TMED3: variants seen among roughly 807,000 people sequenced by gnomAD.
TMED3 encodes the protein transmembrane p24 trafficking protein 3.
In TMED3, 9 loss-of-function variants were observed where a neutral mutation model predicts 15.0. The ratio of observed to expected loss-of-function variants is 0.60; its 90% CI spans 0.36 to 1.04. The LOEUF (loss-of-function observed/expected upper bound fraction) is 1.04. TMED3 is among the 50% of genes least tolerant of loss of function. The pLI, the probability that TMED3 is intolerant of heterozygous loss-of-function variation, is 0.01. For missense variants in TMED3, 267 were observed against 278.9 expected (o/e 0.96, Z 0.30); for synonymous variants, 117 against 121.4 (o/e 0.96, Z 0.24).
chr15:79,397,961 T>C (rs1241817204), intron 2 of TMED3, among the ~76,000 whole-genome samples: 1 of 152,248 alleles, frequency 6.6e-6, no homozygotes, highest in Non-Finnish European at 1.5e-5. Context: ...ATATTTGTTA[T>C]AACTGATGAA....
chr15:79,378,687 A>C (rs562014713), intron 2 of TMED3, among the ~76,000 whole-genome samples: 1 of 152,352 alleles, frequency 6.6e-6, no homozygotes, highest in Middle Eastern at 3.4e-3. Context: ...CAGGCAGCCA[A>C]CTACAACATA....
In TMED3 at chr15:79,401,099, C is replaced by T. The variant is rs375784626; in HGVS notation, c.418-10301C>T. ...CATACCATGGGGAGTGACTACTATGCGCCTTAGGATTTTTATTTCCTTTCT... is the reference window on the plus strand; with the variant it reads ...CATACCATGGGGAGTGACTACTATGTGCCTTAGGATTTTTATTTCCTTTCT... On this transcript the variant is annotated intron_variant, in intron 2 of 2. Coordinates refer to the TMED3 transcript ENST00000424155. Among the ~76,000 whole-genome samples the T allele has an allele frequency of 1.1e-4, 17 of 152,276 alleles. No individual in the cohort carries two copies. In the South Asian group the frequency reaches 1.9e-3, roughly 17 times the overall value.
intron 2 of TMED3, among the ~76,000 whole-genome samples, chr15:79,330,830 C>A (rs926467334): frequency 1.3e-5 from 2 of 152,154 alleles, no homozygotes; most frequent in Admixed American, 6.5e-5. Context: ...GGCATAAAAA[C>A]AGACACATAG....
At chr15:79,338,508 C>T in intron 2 of TMED3, among the ~76,000 whole-genome samples, 1 of 152,048 alleles carries the variant, frequency 6.6e-6, no homozygotes, top group Non-Finnish European at 1.5e-5. Context: ...CACCCAGGTG[C>T]CGAGGCAAGA....
chr15:79,335,289 T>TA (rs1340111217), intron 2 of TMED3, among the ~76,000 whole-genome samples: 2 of 120,520 alleles, frequency 1.7e-5, no homozygotes, highest in African/African-American at 5.3e-5. Context: ...CCTGGGCTTC[T>TA]GGGAAAAATA....
downstream of TMED3, among the ~76,000 whole-genome samples, chr15:79,323,602 C>T (rs1246348765): frequency 6.6e-6 from 1 of 152,176 alleles, no homozygotes; most frequent in Non-Finnish European, 1.5e-5. Flanking sequence ...CAACATGACC[C>T]ATTGCTTCTG....
In TMED3 at chr15:79,322,452, A is replaced by G. The variant is rs1470206150; in HGVS notation, c.*238A>G. 3.0e-6 allele frequency: 4 copies of G among 1,343,656 alleles called. No individual in the cohort carries two copies. The highest frequency in any genetic ancestry group is 3.8e-6 in the Non-Finnish European group (4 of 1,048,192). 83.2% of individuals were successfully genotyped at this position (1,343,656 alleles called of 1,614,324 possible). Reference sequence around the variant, plus strand: ...GTGCAGCGCTGAAAAGACATTTACAACTAGGCCAGGGATTAGCCACTGTGG... The same window carrying G: ...GTGCAGCGCTGAAAAGACATTTACAGCTAGGCCAGGGATTAGCCACTGTGG... On this transcript the variant is annotated 3_prime_UTR_variant, in exon 3 of 3. Transcript: ENST00000299705.
chr15:79,398,614 C>T (rs554244835), intron 2 of TMED3, among the ~76,000 whole-genome samples: 2 of 152,168 alleles, frequency 1.3e-5, no homozygotes, highest in South Asian at 4.1e-4. Context: ...AGTTAGTCCC[C>T]TTACTCCACC....
chr15:79,326,073 T>C (rs1396331478), downstream of TMED3, among the ~76,000 whole-genome samples: 1 of 152,224 alleles, frequency 6.6e-6, no homozygotes, highest in Non-Finnish European at 1.5e-5. Flanking sequence ...ACACCTCATA[T>C]TAACCATCAT....
downstream of TMED3, among the ~76,000 whole-genome samples, chr15:79,323,931 G>C (rs1489856529): frequency 1.2e-4 from 18 of 152,220 alleles, no homozygotes; most frequent in Non-Finnish European, 1.5e-5. Flanking sequence ...TGCTTATGCA[G>C]TGTTTATGTT....
chr15:79,386,764 G>T (rs1893632427), intron 2 of TMED3, among the ~76,000 whole-genome samples: 1 of 144,300 alleles, frequency 6.9e-6, no homozygotes, highest in Non-Finnish European at 1.5e-5. Flanking sequence ...GGCCAGACTG[G>T]TCTTGATCTC....
chr15:79,353,031 T>A (rs868295998), intron 2 of TMED3, among the ~76,000 whole-genome samples: 33 of 99,006 alleles, frequency 3.3e-4, no homozygotes, highest in African/African-American at 1.2e-3. Flanking sequence ...TATATATATT[T>A]TATATATATT....
chr15:79,363,952 CA>C (rs1429884191), intron 2 of TMED3, among the ~76,000 whole-genome samples: 1 of 152,104 alleles, frequency 6.6e-6, no homozygotes, highest in Non-Finnish European at 1.5e-5. Context: ...GTCGGAGAGG[CA>C]GAGATTACAG....
chr15:79,339,428 C>G (rs186570599), intron 2 of TMED3, among the ~76,000 whole-genome samples: 1 of 152,294 alleles, frequency 6.6e-6, no homozygotes, highest in Admixed American at 6.5e-5. Context: ...TCTCTCATCT[C>G]CGCACACGGG....
intron 2 of TMED3, among the ~76,000 whole-genome samples, chr15:79,387,659 C>T (rs1353580623): frequency 6.6e-6 from 1 of 151,962 alleles, no homozygotes; most frequent in Non-Finnish European, 1.5e-5. Context: ...TCAGATTTTC[C>T]CTGGGATTAC....
At chr15:79,356,402 G>T (rs542633033) in intron 2 of TMED3, among the ~76,000 whole-genome samples, 44 of 152,326 alleles carry the variant, frequency 2.9e-4, no homozygotes, top group African/African-American at 1.0e-3. Context: ...TTTGGTGAAT[G>T]AATGGAAGAA....
intron 2 of TMED3, among the ~76,000 whole-genome samples, chr15:79,339,936 G>C (rs1394217239): frequency 1.3e-5 from 2 of 151,100 alleles, no homozygotes; most frequent in Admixed American, 1.3e-4. Flanking sequence ...GATGTGTGTA[G>C]AGAGCAGTGT....
chr15:79,321,887 A>G, intron 2 of TMED3, 91 bp from the exon 3 acceptor site: 1 of 1,459,588 alleles, frequency 6.9e-7, no homozygotes, highest in Non-Finnish European at 9.4e-7. Context: ...AGTGGATATC[A>G]CCTAGGATGT....
At chr15:79,398,598 A>G (rs1893793727) in intron 2 of TMED3, among the ~76,000 whole-genome samples, 1 of 152,152 alleles carries the variant, frequency 6.6e-6, no homozygotes, top group South Asian at 2.1e-4. Context: ...TTGATCAGTC[A>G]TGCAGAGTTA....
Sources: gnomAD v4.1 joint callset for allele counts (sites outside exome capture counted in the v4.1 genomes callset) on GRCh38, gnomAD v4.1.1 for gene constraint, MANE v1.5 for transcripts, NCBI Gene and HGNC (gene_info 2026-07-23, HGNC 2026-07-21) for gene names.